The following ZNF121 variants were observed in gnomAD, a reference collection of about 807,000 sequenced individuals.
ZNF121 encodes the protein zinc finger protein 121 (clone ZHC32).
Under a neutral mutation model 2.4 loss-of-function variants are expected in ZNF121, and 1 was observed. The ratio of observed to expected loss-of-function variants is 0.41; its 90% confidence interval spans 0.15 to 1.94. ZNF121 has a LOEUF of 1.94. Ranked by LOEUF, ZNF121 falls within the 30% of genes most tolerant of loss-of-function variation. ZNF121 has a pLI of 0.30. For missense variants in ZNF121, 369 were observed against 466.3 expected, an observed-to-expected ratio of 0.79 and a Z score of 1.92; for synonymous variants, 173 against 158.6, an observed-to-expected ratio of 1.09 and a Z score of -0.68.
chr19:9,572,097 C>T (rs931353908), intron 1 of ZNF121, among the ~76,000 whole-genome samples: 2 of 152,120 alleles, frequency 1.3e-5, no homozygotes, highest in Non-Finnish European at 2.9e-5. Context: ...TAGAAGCATG[C>T]AGCATTTACG....
At chr19:9,583,493 T>A (rs1430738376) in intron 1 of ZNF121, among the ~76,000 whole-genome samples, 5 of 102,634 alleles carry the variant, frequency 4.9e-5, no homozygotes, top group Non-Finnish European at 9.6e-5. Flanking sequence ...GCCTGGCTTT[T>A]TTTTTTTTTT....
At chr19:9,582,527 C>CCTAT (rs1312676783) in intron 1 of ZNF121, among the ~76,000 whole-genome samples, 4 of 152,206 alleles carry the variant, frequency 2.6e-5, no homozygotes, top group East Asian at 1.9e-4. Context: ...CTGCCCGACC[C>CCTAT]CTATCTCCCT....
At position 9,565,353 on chromosome 19, in the gene ZNF121, CAAAAAAAAA is replaced by C. The variant is rs71185609; in HGVS notation, c.*578_*586del. The C allele has an allele frequency of 3.4e-4, 10 of 29,812 alleles. No individual in the cohort carries two copies. The highest frequency in any genetic ancestry group is 6.1e-4 in the Admixed American group (1 of 1,646). 1.8% of individuals were successfully genotyped at this position (29,812 alleles called of 1,614,324 possible). On this transcript the variant is annotated 3_prime_UTR_variant, in exon 4 of 4. Coordinates refer to ENST00000320451, the MANE Select transcript of ZNF121 (RefSeq NM_001008727.5). ...AAGAATGTGTATTAACAACGACTTA[CAAAAAAAAA>C]AAAAAAAAAAAAAAAAAAAAAAAAA...
At position 9,578,980 on chromosome 19, in the gene ZNF121, C is replaced by CAA. The variant is rs746310089; in HGVS notation, c.-160+5479_-160+5480dup. Reference sequence around the variant, plus strand: ...ATATATAAGGAACTCAACTTGATAGCAAAAAAAAAAAAAAAAAAAATCCGA... The same window carrying CAA: ...ATATATAAGGAACTCAACTTGATAGCAAAAAAAAAAAAAAAAAAAAAATCCGA... On this transcript the variant is annotated intron_variant, in intron 1 of 3. Coordinates refer to ENST00000320451, the MANE Select transcript of ZNF121 (RefSeq NM_001008727.5). Among the ~76,000 whole-genome samples the CAA allele has an allele frequency of 1.4e-3, 120 of 86,098 alleles. 1 individual carries two copies. The highest frequency in any genetic ancestry group is 3.0e-3 in the African/African-American group (86 of 28,556). 56.5% of individuals were successfully genotyped at this position (86,098 alleles called of 152,430 possible).
chr19:9,581,711 T>G (rs188787168), intron 1 of ZNF121, among the ~76,000 whole-genome samples: 17 of 152,224 alleles, frequency 1.1e-4, no homozygotes, highest in Non-Finnish European at 1.5e-5. Context: ...CTGAAAACAT[T>G]AACAATTGCA....
At chr19:9,567,697 C>T in intron 3 of ZNF121, 2 of 333,958 alleles carry the variant, frequency 6.0e-6, no homozygotes, top group South Asian at 2.8e-5. Context: ...TGCAACTAGA[C>T]AGTCCCATCT....
intron 1 of ZNF121, among the ~76,000 whole-genome samples, chr19:9,572,558 CT>C (rs904662264): frequency 2.0e-5 from 3 of 152,154 alleles, no homozygotes; most frequent in Admixed American, 2.0e-4. Flanking sequence ...GTCAGAGTGG[CT>C]GTTCAGGAGC....
At chr19:9,582,523 G>A (rs966716122) in intron 1 of ZNF121, among the ~76,000 whole-genome samples, 8 of 151,892 alleles carry the variant, frequency 5.3e-5, no homozygotes, top group Non-Finnish European at 7.4e-5. Flanking sequence ...AAAACTGCCC[G>A]ACCCCTATCT....
In ZNF121 at chr19:9,582,036, T is replaced by C. The variant is rs142331569; in HGVS notation, c.-160+2425A>G. ...TCAAAAAGTAAGTGTTCAGGCACAG[T>C]GGCTCACACCTGTAATCCCAGCATT... On this transcript the variant is annotated intron_variant, in intron 1 of 3. Transcript: ENST00000320451. Among the ~76,000 whole-genome samples, 876 of 152,312 alleles carry C rather than the reference T, an allele frequency of 5.8e-3. 11 individuals carry two copies. The highest frequency in any genetic ancestry group is 0.02 in the African/African-American group (844 of 41,566).
At chr19:9,583,134 T>C (rs982640257) in intron 1 of ZNF121, among the ~76,000 whole-genome samples, 2 of 149,524 alleles carry the variant, frequency 1.3e-5, no homozygotes, top group African/African-American at 4.9e-5. Flanking sequence ...GGAGAATCAC[T>C]TGAACCCAGG....
chr19:9,583,033 GA>G, intron 1 of ZNF121, among the ~76,000 whole-genome samples: 1 of 131,854 alleles, frequency 7.6e-6, no homozygotes, highest in Non-Finnish European at 1.6e-5. Flanking sequence ...CGAGCATGGT[GA>G]AACCCTGTCT....
intron 1 of ZNF121, among the ~76,000 whole-genome samples, chr19:9,574,435 C>G (rs1305068872): frequency 1.3e-5 from 2 of 152,018 alleles, no homozygotes; most frequent in African/African-American, 2.4e-5. Flanking sequence ...ATTACAGGCA[C>G]AAGCCACCGC....
At chr19:9,580,488 G>GA (rs61312088) in intron 1 of ZNF121, among the ~76,000 whole-genome samples, 1,911 of 131,692 alleles carry the variant, frequency 0.015, 18 homozygotes, top group Middle Eastern at 0.022. Context: ...ACTCAAAAAA[G>GA]AAAAAAAAAA....
At chr19:9,579,491 C>T (rs2144823353) in intron 1 of ZNF121, among the ~76,000 whole-genome samples, 1 of 152,326 alleles carries the variant, frequency 6.6e-6, no homozygotes, top group East Asian at 1.9e-4. Flanking sequence ...TCGAGACCAG[C>T]CTGGCCAACA....
chr19:9,564,604 G>T lies in ZNF121; in HGVS notation c.*1336C>A, dbSNP rs1258763407. ...ACTTGAACAGATGAGAGGCTGCTTT[G>T]TATAGATAAGCAAAGAAAGTGGTTT... On this transcript the variant is annotated 3_prime_UTR_variant, in exon 4 of 4. Coordinates refer to ENST00000320451, the MANE Select transcript of ZNF121 (RefSeq NM_001008727.5). The T allele has an allele frequency of 6.6e-6, 1 of 152,148 alleles. No individual in the cohort carries two copies. 9.4% of individuals were successfully genotyped at this position (152,148 alleles called of 1,614,324 possible).
intron 1 of ZNF121, among the ~76,000 whole-genome samples, chr19:9,581,567 G>A (rs1158543644): frequency 6.6e-6 from 1 of 151,674 alleles, no homozygotes; most frequent in East Asian, 1.9e-4. Context: ...AAAAAGGGGG[G>A]GTACTATGAA....
chr19:9,582,736 G>A (rs1314487355), intron 1 of ZNF121, among the ~76,000 whole-genome samples: 5 of 144,338 alleles, frequency 3.5e-5, no homozygotes, highest in Admixed American at 2.8e-4. Flanking sequence ...GTAGCAGAGC[G>A]AGACTCTGTC....
At chr19:9,571,743 T>C (rs1395347772) in intron 1 of ZNF121, among the ~76,000 whole-genome samples, 1 of 152,114 alleles carries the variant, frequency 6.6e-6, no homozygotes, top group Non-Finnish European at 1.5e-5. Context: ...GAATAGGAAG[T>C]AGAAAACACA....
intron 1 of ZNF121, among the ~76,000 whole-genome samples, chr19:9,571,543 C>T (rs1474555432): frequency 6.6e-6 from 1 of 152,040 alleles, no homozygotes; most frequent in Admixed American, 6.6e-5. Flanking sequence ...TTTCTCCATA[C>T]CAATTTGAAA....
Sources: allele counts gnomAD v4.1 joint callset (sites outside exome capture counted in the v4.1 genomes callset), GRCh38; gene constraint gnomAD v4.1.1; transcripts MANE v1.5; gene names NCBI Gene and HGNC (gene_info 2026-07-23, HGNC 2026-07-21).